GNA12: variants seen among roughly 807,000 people sequenced by gnomAD.
The protein encoded by GNA12 is guanine nucleotide-binding protein subunit alpha-12.
A neutral mutation model predicts 26.0 loss-of-function variants in GNA12; 9 were observed. That is an observed-to-expected ratio of 0.35 (90% confidence interval 0.21 to 0.60). The LOEUF (loss-of-function observed/expected upper bound fraction) is 0.60, where lower values mean the gene tolerates loss of function less well. GNA12 is among the 20% of genes least tolerant of loss of function. GNA12 has a pLI of 0.78. For synonymous variants in GNA12, 264 were observed against 219.6 expected, an observed-to-expected ratio of 1.20 and a Z score of -1.79; for missense variants, 405 against 525.8, an observed-to-expected ratio of 0.77 and a Z score of 2.25.
At chr7:2,759,644 G>A (rs1240501022) in intron 2 of GNA12, among the ~76,000 whole-genome samples, 1 of 152,316 alleles carries the variant, frequency 6.6e-6, no homozygotes, top group Middle Eastern at 3.4e-3. Context: ...GTTCAGAGGT[G>A]TTTGTTCATG....
intron 2 of GNA12, among the ~76,000 whole-genome samples, chr7:2,765,359 TG>T (rs1475546859): frequency 6.6e-6 from 1 of 151,976 alleles, no homozygotes; most frequent in Non-Finnish European, 1.5e-5. Context: ...TTAGTAGAGA[TG>T]GTGTTAGCCA....
At chr7:2,838,394 T>G (rs1000633842) in intron 1 of GNA12, among the ~76,000 whole-genome samples, 1 of 151,726 alleles carries the variant, frequency 6.6e-6, no homozygotes, top group African/African-American at 2.4e-5. Flanking sequence ...CTAAGTAACA[T>G]AGTGGAACCC....
intron 2 of GNA12, among the ~76,000 whole-genome samples, chr7:2,761,440 A>G (rs1323647608): frequency 1.3e-5 from 2 of 152,214 alleles, no homozygotes; most frequent in Non-Finnish European, 1.5e-5. Context: ...AGAATTTGAG[A>G]TATTTCAGAA....
chr7:2,750,237 C>T (rs1790966038), intron 2 of GNA12, among the ~76,000 whole-genome samples: 1 of 152,210 alleles, frequency 6.6e-6, no homozygotes, highest in African/African-American at 2.4e-5. Context: ...CCCAGCTCTG[C>T]TTAGACCCAT....
intron 2 of GNA12, among the ~76,000 whole-genome samples, chr7:2,742,320 C>A (rs890148579): frequency 6.6e-6 from 1 of 152,130 alleles, no homozygotes; most frequent in African/African-American, 2.4e-5. Flanking sequence ...CCAGCCTACA[C>A]TGAGATTTTT....
chr7:2,788,683 G>T (rs762478255), intron 2 of GNA12, among the ~76,000 whole-genome samples: 17 of 152,222 alleles, frequency 1.1e-4, no homozygotes, highest in South Asian at 4.1e-4. Context: ...GAGCTGTGCA[G>T]CCAGGAAAGA....
intron 2 of GNA12, among the ~76,000 whole-genome samples, chr7:2,735,612 C>T (rs570516321): frequency 6.6e-6 from 1 of 152,336 alleles, no homozygotes; most frequent in East Asian, 1.9e-4. Flanking sequence ...CCCAGCTGCA[C>T]TTCACAACAC....
chr7:2,757,631 C>T (rs557982373), intron 2 of GNA12, among the ~76,000 whole-genome samples: 1 of 152,324 alleles, frequency 6.6e-6, no homozygotes, highest in Admixed American at 6.5e-5. Context: ...GACCCAAGCA[C>T]ATTGGGAGAT....
chr7:2,776,149 T>C, intron 2 of GNA12, among the ~76,000 whole-genome samples: 1 of 152,204 alleles, frequency 6.6e-6, no homozygotes, highest in East Asian at 1.9e-4. Flanking sequence ...TTGCTCAGGC[T>C]GGTCTCTAAC....
intron 2 of GNA12, among the ~76,000 whole-genome samples, chr7:2,774,281 G>GTA (rs1338893528): frequency 6.6e-6 from 1 of 152,062 alleles, no homozygotes. Flanking sequence ...ATATATGTGT[G>GTA]TATATATATG....
At chr7:2,838,591 G>GT (rs911830199) in intron 1 of GNA12, among the ~76,000 whole-genome samples, 14 of 151,994 alleles carry the variant, frequency 9.2e-5, no homozygotes, top group Non-Finnish European at 1.9e-4. Context: ...CTCTAAGATA[G>GT]TAACAGTCAT....
At chr7:2,747,201 G>A (rs1206381826) in intron 2 of GNA12, among the ~76,000 whole-genome samples, 2 of 152,100 alleles carry the variant, frequency 1.3e-5, no homozygotes, top group Admixed American at 1.3e-4. Flanking sequence ...ACCAAAGCCT[G>A]GCAGAGACAC....
chr7:2,729,524 T>C lies in GNA12; in HGVS notation c.*1657A>G, dbSNP rs1028080543. ...GAGAGAGTTCCATGCTGTCTCCCGATGAGAACGCTGTGCTAACAGGGTGAC... is the reference window on the plus strand; with the variant it reads ...GAGAGAGTTCCATGCTGTCTCCCGACGAGAACGCTGTGCTAACAGGGTGAC... On this transcript the variant is annotated 3_prime_UTR_variant, in exon 4 of 4. Transcript: ENST00000275364. 1 of 152,326 alleles carries C rather than the reference T, an allele frequency of 6.6e-6. No individual in the cohort carries two copies. Among genetic ancestry groups the C allele is most frequent in the Non-Finnish European group, 1.5e-5 (1 of 68,006 alleles). 9.4% of individuals were successfully genotyped at this position (152,326 alleles called of 1,614,324 possible).
At chr7:2,804,757 C>T (rs1232223938) in intron 1 of GNA12, among the ~76,000 whole-genome samples, 1 of 152,050 alleles carries the variant, frequency 6.6e-6, no homozygotes, top group Non-Finnish European at 1.5e-5. Flanking sequence ...ACATTTTCTA[C>T]CACTAAAGAC....
chr7:2,748,156 C>G (rs1454122877), intron 2 of GNA12, among the ~76,000 whole-genome samples: 1 of 150,770 alleles, frequency 6.6e-6, no homozygotes, highest in Non-Finnish European at 1.5e-5. Context: ...TTGGAAAAAA[C>G]TACTTTAAAG....
intron 1 of GNA12, among the ~76,000 whole-genome samples, chr7:2,825,577 G>A (rs1197988404): frequency 1.3e-5 from 2 of 152,368 alleles, no homozygotes; most frequent in African/African-American, 2.4e-5. Context: ...GGAGAAGTGC[G>A]TTTGTGCCAT....
At position 2,828,153 on chromosome 7, in the gene GNA12, T is replaced by C. The variant is rs73051447; in HGVS notation, c.309+15700A>G. Among the ~76,000 whole-genome samples, 636 of 152,284 alleles carry C rather than the reference T, an allele frequency of 4.2e-3. 3 individuals carry two copies. Among genetic ancestry groups the C allele is most frequent in the Non-Finnish European group, 7.1e-3 (484 of 68,026 alleles). Reference sequence around the variant, plus strand: ...CTAAAAATATTCAAGATTACAAAAATTGTAAAGCAAGATTCAAACCAGAAA... The same window carrying C: ...CTAAAAATATTCAAGATTACAAAAACTGTAAAGCAAGATTCAAACCAGAAA... On this transcript the variant is annotated intron_variant, in intron 1 of 3. Transcript: ENST00000275364.
intron 2 of GNA12, among the ~76,000 whole-genome samples, chr7:2,768,804 A>G (rs1329496737): frequency 6.6e-6 from 1 of 150,714 alleles, no homozygotes; most frequent in African/African-American, 2.4e-5. Flanking sequence ...TCTGTATTTA[A>G]TATGTGTATA....
chr7:2,728,486 G>C lies in GNA12; in HGVS notation c.*2695C>G, dbSNP rs191104967. The C allele has an allele frequency of 6.6e-6, 1 of 152,386 alleles. No homozygotes were observed. The highest frequency in any genetic ancestry group is 6.5e-5 in the Admixed American group (1 of 15,290). The allele number at this position is 152,386 out of a possible 1,614,324, so 9.4% of individuals were successfully genotyped here. A position where few individuals can be genotyped will look rare whatever the true frequency, so the allele number is the denominator to read the frequency against. On this transcript the variant is annotated 3_prime_UTR_variant, in exon 4 of 4. Transcript: ENST00000275364. ...TGAAACAATTTCTCTACGAACATAA[G>C]AGTTAAAAATAGATTTCAGTAAAAC...
Sources: gnomAD v4.1 joint callset for allele counts (sites outside exome capture counted in the v4.1 genomes callset) on GRCh38, gnomAD v4.1.1 for gene constraint, MANE v1.5 for transcripts, NCBI Gene and HGNC (gene_info 2026-07-23, HGNC 2026-07-21) for gene names.